Variants in ARHGAP42 observed in about 807,000 individuals in gnomAD.
The protein encoded by ARHGAP42 is Rho GTPase activating protein 42.
Under a neutral mutation model 125.0 loss-of-function variants are expected in ARHGAP42, and 63 were observed. That is an observed-to-expected ratio of 0.50 (90% CI 0.41 to 0.62). The LOEUF is 0.62. ARHGAP42 is among the 20% of genes least tolerant of loss of function. ARHGAP42 has a pLI of 0.00. For synonymous variants in ARHGAP42, 339 were observed against 351.0 expected (o/e 0.97, Z 0.38); for missense variants, 766 against 1,024.2 (o/e 0.75, Z 3.44).
chr11:100,823,271 T>G (rs1864443904), intron 3 of ARHGAP42, among the ~76,000 whole-genome samples: 1 of 152,162 alleles, frequency 6.6e-6, no homozygotes, highest in African/African-American at 2.4e-5. Context: ...TTTGCTTCAT[T>G]TAATTTGGTC....
At chr11:100,912,733 C>T (rs995967018) in intron 4 of ARHGAP42, among the ~76,000 whole-genome samples, 3 of 152,138 alleles carry the variant, frequency 2.0e-5, no homozygotes, top group African/African-American at 7.2e-5. Flanking sequence ...GGTAAAGTTA[C>T]TCCCTTCTCA....
chr11:100,955,814 T>G (rs1168931613), intron 12 of ARHGAP42, among the ~76,000 whole-genome samples: 4 of 148,544 alleles, frequency 2.7e-5, no homozygotes, highest in Non-Finnish European at 4.5e-5. Context: ...TGATTTTTTG[T>G]TTTTTGTTTT....
At chr11:100,987,720 G>A (rs539575552) in intron 23 of ARHGAP42, 128 bp downstream of exon 23, 25 of 833,696 alleles carry the variant, frequency 3.0e-5, no homozygotes, top group South Asian at 2.0e-4. Flanking sequence ...CTCTCATAAC[G>A]GGCATGCATG....
intron 12 of ARHGAP42, among the ~76,000 whole-genome samples, chr11:100,955,414 A>G (rs192061187): frequency 1.3e-5 from 2 of 152,150 alleles, no homozygotes; most frequent in African/African-American, 2.4e-5. Context: ...GCTTCTCTCT[A>G]CAATGGAGGA....
At chr11:100,753,467 CCT>C (rs1427092579) in intron 1 of ARHGAP42, among the ~76,000 whole-genome samples, 2 of 152,194 alleles carry the variant, frequency 1.3e-5, no homozygotes, top group African/African-American at 4.8e-5. Context: ...ATCTCCTGTG[CCT>C]GTGGCTGGAG....
At chr11:100,882,902 T>C (rs557355588) in intron 4 of ARHGAP42, among the ~76,000 whole-genome samples, 24 of 152,330 alleles carry the variant, frequency 1.6e-4, no homozygotes, top group Admixed American at 1.0e-3. Flanking sequence ...AAGGTGTTCA[T>C]AGTAGCCTTG....
rs1858383415 is a variant in ARHGAP42, at chr11:100,976,138, G to T, written c.1937G>T (p.Ser646Ile). Residue 646 changes from serine (S) to isoleucine (I), a missense_variant, in exon 20 of 24, where the codon AGC becomes ATC. By Grantham distance (142) the Ser-to-Ile change is moderately radical. Around this residue, in one of 3 missense-constraint regions of ARHGAP42, gnomAD observed 308 missense variants for 369.7 expected, o/e 0.83. Transcript: ENST00000298815. ...TCTTCTCATTCCTCTGAACAAAATAGCACTACAAAGTCAGCTTCCTGCCAG... is the reference window on the plus strand; with the variant it reads ...TCTTCTCATTCCTCTGAACAAAATATCACTACAAAGTCAGCTTCCTGCCAG... ...SLSSHSSEQNSTTKSASCQPR... is the reference protein window; with the variant it reads ...SLSSHSSEQNITTKSASCQPR... 2 of 1,551,510 alleles carry T rather than the reference G, an allele frequency of 1.3e-6. No homozygotes were observed. Among genetic ancestry groups the T allele is most frequent in the Non-Finnish European group, 8.7e-7 (1 of 1,146,860 alleles).
At chr11:100,741,214 A>G (rs529382184) in intron 1 of ARHGAP42, among the ~76,000 whole-genome samples, 2 of 152,198 alleles carry the variant, frequency 1.3e-5, no homozygotes, top group South Asian at 2.1e-4. Context: ...TATTTTTAGT[A>G]CAGACGGGGT....
intron 4 of ARHGAP42, among the ~76,000 whole-genome samples, chr11:100,905,007 T>C (rs1866681872): frequency 6.6e-6 from 1 of 152,214 alleles, no homozygotes; most frequent in Non-Finnish European, 1.5e-5. Flanking sequence ...ATGAATGAAT[T>C]AATAAAAATC....
intron 6 of ARHGAP42, among the ~76,000 whole-genome samples, chr11:100,924,480 T>A (rs12420922): frequency 0.046 from 6,994 of 151,704 alleles, 317 homozygotes; most frequent in East Asian, 0.25. Flanking sequence ...CAGCCTGACC[T>A]ATATGGTGAA....
At chr11:100,765,370 G>A (rs1346890126) in intron 1 of ARHGAP42, among the ~76,000 whole-genome samples, 2 of 84,114 alleles carry the variant, frequency 2.4e-5, no homozygotes, top group East Asian at 4.0e-4. Context: ...GTGGCAATGT[G>A]GTGAACTGGG....
At chr11:100,856,255 A>G (rs1467901919) in intron 3 of ARHGAP42, among the ~76,000 whole-genome samples, 4 of 152,128 alleles carry the variant, frequency 2.6e-5, no homozygotes, top group African/African-American at 9.6e-5. Flanking sequence ...CACATTTTAA[A>G]TAAGGGTTTC....
chr11:100,874,170 C>CA (rs34741558), intron 4 of ARHGAP42, among the ~76,000 whole-genome samples: 1 of 151,902 alleles, frequency 6.6e-6, no homozygotes, highest in Non-Finnish European at 1.5e-5. Context: ...GACGTCTGTG[C>CA]AAAAAAGGGA....
At chr11:100,748,116 AACTTT>A (rs1317856095) in intron 1 of ARHGAP42, among the ~76,000 whole-genome samples, 3 of 152,206 alleles carry the variant, frequency 2.0e-5, no homozygotes, top group African/African-American at 7.2e-5. Flanking sequence ...ACTTTTAGCA[AACTTT>A]ACTTTTGTTG....
At chr11:100,732,860 C>G (rs1861983752) in intron 1 of ARHGAP42, among the ~76,000 whole-genome samples, 1 of 152,284 alleles carries the variant, frequency 6.6e-6, no homozygotes, top group African/African-American at 2.4e-5. Context: ...CTCAGCCTGC[C>G]TTAAAATCTT....
chr11:100,689,640 C>G (rs986999505), intron 1 of ARHGAP42, among the ~76,000 whole-genome samples: 1 of 152,152 alleles, frequency 6.6e-6, no homozygotes, highest in Non-Finnish European at 1.5e-5. Context: ...AGCGTAGGCT[C>G]TTTGAAGATA....
intron 3 of ARHGAP42, among the ~76,000 whole-genome samples, chr11:100,807,786 T>C (rs1864034142): frequency 6.6e-6 from 1 of 152,236 alleles, no homozygotes; most frequent in Admixed American, 6.5e-5. Flanking sequence ...ACGTTTTACT[T>C]TGGAGTCTTG....
Position 100,852,515 on chromosome 11 carries a change from C to A in ARHGAP42, c.313-7039C>A, listed in dbSNP as rs568591388. Among the ~76,000 whole-genome samples the A allele has an allele frequency of 2.0e-5, 3 of 152,194 alleles. No individual in the cohort carries two copies. In the South Asian group the frequency reaches 6.2e-4, roughly 32 times the overall value. ...ATTAGCCAGAAGAAATAGCATTAAG[C>A]GGGAGGAAGGGAGTGATATAAATTA... On this transcript the variant is annotated intron_variant, in intron 3 of 23. Coordinates refer to ENST00000298815, the MANE Select transcript of ARHGAP42 (RefSeq NM_152432.4).
chr11:100,724,737 CA>C (rs1192862543), intron 1 of ARHGAP42, among the ~76,000 whole-genome samples: 1 of 151,554 alleles, frequency 6.6e-6, no homozygotes, highest in East Asian at 1.9e-4. Context: ...TTAATTTTAT[CA>C]ATCTTTTCAA....
Sources: gnomAD v4.1 joint callset for allele counts (sites outside exome capture counted in the v4.1 genomes callset) on GRCh38, gnomAD v4.1.1 for gene constraint, gnomAD v4.1.1 regional missense constraint, MANE v1.5 for transcripts, NCBI Gene and HGNC (gene_info 2026-07-23, HGNC 2026-07-21) for gene names.